Variants in IL18R1 observed in about 807,000 individuals in gnomAD.
The protein encoded by IL18R1 is interleukin 18 receptor 1, also known as interleukin-18 receptor 1.
In IL18R1, 40 loss-of-function variants were observed where a neutral mutation model predicts 48.5. The ratio of observed to expected loss-of-function variants is 0.82; its 90% CI spans 0.64 to 1.07. The LOEUF (loss-of-function observed/expected upper bound fraction) is 1.07, where lower values mean the gene tolerates loss of function less well. Among genes scored for constraint, IL18R1 ranks in the 50% least tolerant of loss-of-function variants. IL18R1 has a pLI of 0.00. For synonymous variants in IL18R1, 232 were observed against 225.9 expected (o/e 1.03, Z -0.24); for missense variants, 596 against 633.7 (o/e 0.94, Z 0.64).
At chr2:102,380,176 A>G (rs1000183822) in intron 5 of IL18R1, among the ~76,000 whole-genome samples, 6 of 152,180 alleles carry the variant, frequency 3.9e-5, no homozygotes, top group Non-Finnish European at 7.3e-5. Context: ...TGTCAAGGGC[A>G]TGCACTAAGA....
rs10193585 is a variant in IL18R1 at position 102,364,929 on chromosome 2, G to A, written c.58+2211G>A. 5.4e-3 allele frequency among the ~76,000 whole-genome samples: 820 copies of A among 152,260 alleles called. 16 individuals are homozygous for A. The highest frequency in any genetic ancestry group is 0.019 in the African/African-American group (785 of 41,552). On this transcript the variant is annotated intron_variant, in intron 2 of 10. Coordinates refer to ENST00000233957, the MANE Select transcript of IL18R1 (RefSeq NM_003855.5). The stretch of plus-strand genomic sequence containing the variant: ...TCACTCACTATCAGGAGCACAGCAT[G>A]AGGGTAATCACCCCCATGATTAAAT...
chr2:102,360,226 T>A lies in IL18R1; in HGVS notation c.-28-2407T>A, dbSNP rs76022452. Among the ~76,000 whole-genome samples the A allele has an allele frequency of 3.0e-3, 460 of 152,350 alleles. 3 individuals are homozygous for A. In the East Asian group the frequency reaches 0.032, roughly 11 times the overall value. On this transcript the variant is annotated intron_variant, in intron 1 of 10. Transcript: ENST00000233957. ...TGTGACACAGGAAAAATGCTCATTA[T>A]GTAATATTAGGTGGAAATGCAGGAT...
chr2:102,389,921 A>T, intron 8 of IL18R1, 135 bp from the exon 9 acceptor site: 1 of 672,888 alleles, frequency 1.5e-6, no homozygotes. Flanking sequence ...GGAGTCACTC[A>T]GTGGAATGTG....
rs921200497 is a variant in IL18R1 at position 102,356,013 on chromosome 2, C to T, written c.-416C>T. The T allele has an allele frequency of 6.6e-6, 1 of 152,190 alleles. No individual in the cohort carries two copies. The highest frequency in any genetic ancestry group is 1.5e-5 in the Non-Finnish European group (1 of 68,080). The allele number at this position is 152,190 out of a possible 1,614,324, so 9.4% of individuals were successfully genotyped here. ...CCGGAGGGTCCCCAGACCGGGACCT[C>T]CGAGTCAGGGAGGATTCTACGCCAG... On this transcript the variant is annotated 5_prime_UTR_variant, in exon 1 of 11. Coordinates refer to ENST00000233957, the MANE Select transcript of IL18R1 (RefSeq NM_003855.5).
chr2:102,358,871 A>G (rs921646871), intron 1 of IL18R1, among the ~76,000 whole-genome samples: 1 of 152,220 alleles, frequency 6.6e-6, no homozygotes. Flanking sequence ...ATTCAAAATT[A>G]TGTATATTTT....
intron 2 of IL18R1, among the ~76,000 whole-genome samples, chr2:102,364,559 A>T (rs560924424): frequency 3.0e-4 from 45 of 152,320 alleles, no homozygotes; most frequent in African/African-American, 1.1e-3. Flanking sequence ...CACACCTTCT[A>T]TGTTGAAGTA....
Position 102,381,621 on chromosome 2 carries a change from TC to T in IL18R1, c.628del (p.Arg210AlafsTer4). 1 of 1,612,030 alleles carries T rather than the reference TC, an allele frequency of 6.2e-7. No individual in the cohort carries two copies. Among genetic ancestry groups the T allele is most frequent in the Non-Finnish European group, 8.5e-7 (1 of 1,178,114 alleles). On this transcript the variant is annotated frameshift_variant and splice_region_variant, in exon 6 of 11. Transcript: ENST00000233957. LOFTEE classifies it high-confidence loss of function. The stretch of plus-strand genomic sequence containing the variant: ...TGTCTTTTCTTTTGTCACTTCTAGA[TC>T]GCAGTAATATAGTTCCGGTTCTTCT... ...KTFNITIVED[R>X]SNIVPVLLGP...
At chr2:102,388,982 A>G (rs2105117859) in intron 8 of IL18R1, among the ~76,000 whole-genome samples, 1 of 152,324 alleles carries the variant, frequency 6.6e-6, no homozygotes, top group Non-Finnish European at 1.5e-5. Context: ...GGATAAATGT[A>G]TATGCCTTTT....
chr2:102,377,503 A>G (rs1340029371), intron 5 of IL18R1, among the ~76,000 whole-genome samples: 2 of 152,144 alleles, frequency 1.3e-5, no homozygotes, highest in African/African-American at 4.8e-5. Flanking sequence ...TTTTTAGTAG[A>G]GACGGGGTTT....
chr2:102,368,054 C>G lies in IL18R1; in HGVS notation c.288C>G (p.Tyr96Ter). 2 of 1,614,146 alleles carry G rather than the reference C, an allele frequency of 1.2e-6. No individual in the cohort carries two copies. The highest frequency in any genetic ancestry group is 1.7e-6 in the Non-Finnish European group (2 of 1,180,002). Residue 96 changes from tyrosine to a stop codon, truncating the protein, a stop_gained, in exon 3 of 11, where the codon TAC (tyrosine) becomes TAG (stop). Coordinates refer to ENST00000233957, the MANE Select transcript of IL18R1 (RefSeq NM_003855.5). LOFTEE classifies it high-confidence loss of function. ...TTGAGTTGAATGACACAGGATCTTACTTTTTCCAAATGAAGTGAGTAACCC... is the reference window on the plus strand; with the variant it reads ...TTGAGTTGAATGACACAGGATCTTAGTTTTTCCAAATGAAGTGAGTAACCC... ...WPVELNDTGS[Y>*]FFQMKNYTQK...
chr2:102,367,971 A>C lies in IL18R1; in HGVS notation c.205A>C (p.Asn69His). 1.9e-6 allele frequency: 3 copies of C among 1,614,248 alleles called. No homozygotes were observed. Among genetic ancestry groups the C allele is most frequent in the Non-Finnish European group, 2.5e-6 (3 of 1,180,046 alleles). The change falls in exon 3 of 11, where the codon AAC becomes CAC. Residue 69 changes from asparagine to histidine, a missense_variant. By Grantham distance (68) the Asn-to-His change is moderately conservative. Around this residue, in one of 3 missense-constraint regions of IL18R1, gnomAD observed 360 missense variants for 339.4 expected, o/e 1.06. Transcript: ENST00000233957. ...SSGSQEHVEL[N>H]PRSSSRIALH... ...TGGATCACAGGAACATGTGGAGCTG[A>C]ACCCAAGGAGTTCCTCGAGAATTGC...
chr2:102,386,736 T>C (rs1680252012), intron 7 of IL18R1, 125 bp from the exon 8 acceptor site: 2 of 953,482 alleles, frequency 2.1e-6, no homozygotes, highest in African/African-American at 3.4e-5. Context: ...TTAAGAGTAC[T>C]GGCCAGAAAG....
chr2:102,371,391 A>G (rs1679251105), intron 3 of IL18R1, among the ~76,000 whole-genome samples: 2 of 152,118 alleles, frequency 1.3e-5, no homozygotes, highest in African/African-American at 4.8e-5. Flanking sequence ...ATTCACACTC[A>G]CTTTTGGTCA....
At position 102,356,179 on chromosome 2, in the gene IL18R1, T is replaced by C. The variant is rs976460982; in HGVS notation, c.-250T>C. On this transcript the variant is annotated 5_prime_UTR_variant, in exon 1 of 11. Transcript: ENST00000233957. ...CTGCCAGACGCCTGACATTCTTCTTTCTGTTCCTACTTTTTTTCCTTCTTC... is the reference window on the plus strand; with the variant it reads ...CTGCCAGACGCCTGACATTCTTCTTCCTGTTCCTACTTTTTTTCCTTCTTC... 1.8e-5 allele frequency: 4 copies of C among 222,768 alleles called. No individual in the cohort carries two copies. The highest frequency in any genetic ancestry group is 3.0e-5 in the Non-Finnish European group (4 of 133,526). 13.8% of individuals were successfully genotyped at this position (222,768 alleles called of 1,614,324 possible). A position where few individuals can be genotyped will look rare whatever the true frequency, so the allele number is the denominator to read the frequency against.
At chr2:102,360,622 A>G (rs1201296502) in intron 1 of IL18R1, among the ~76,000 whole-genome samples, 1 of 152,220 alleles carries the variant, frequency 6.6e-6, no homozygotes, top group Non-Finnish European at 1.5e-5. Flanking sequence ...TTAAAATATT[A>G]TACATGTTGA....
intron 4 of IL18R1, chr2:102,374,091 C>A: frequency 4.6e-6 from 1 of 218,558 alleles, no homozygotes; most frequent in Non-Finnish European, 1.0e-5. Flanking sequence ...CCCAAACCAA[C>A]CATTCCCCGC....
chr2:102,384,502 G>A (rs1172006121), intron 6 of IL18R1, among the ~76,000 whole-genome samples: 1 of 152,010 alleles, frequency 6.6e-6, no homozygotes, highest in Non-Finnish European at 1.5e-5. Flanking sequence ...TATTTTCTCT[G>A]TACTTTGATG....
intron 5 of IL18R1, among the ~76,000 whole-genome samples, chr2:102,378,194 G>A (rs979913098): frequency 6.6e-6 from 1 of 152,158 alleles, no homozygotes; most frequent in Non-Finnish European, 1.5e-5. Context: ...CTTGTTATGG[G>A]CCAGGGATAG....
chr2:102,371,295 G>A (rs976275826), intron 3 of IL18R1, among the ~76,000 whole-genome samples: 3 of 152,134 alleles, frequency 2.0e-5, no homozygotes, highest in Non-Finnish European at 4.4e-5. Flanking sequence ...AAAGTGCTGG[G>A]ATTACAGGTG....
Sources: gnomAD v4.1 joint callset for allele counts (sites outside exome capture counted in the v4.1 genomes callset) on GRCh38, gnomAD v4.1.1 for gene constraint, gnomAD v4.1.1 regional missense constraint, MANE v1.5 for transcripts, NCBI Gene and HGNC (gene_info 2026-07-23, HGNC 2026-07-21) for gene names.